The following VTA1 variants were observed in gnomAD, a reference collection of about 807,000 sequenced individuals.
VTA1 encodes vacuolar protein sorting-associated protein VTA1 homolog.
Under a neutral mutation model 36.9 loss-of-function variants are expected in VTA1, and 24 were observed. That is an observed-to-expected ratio of 0.65 (90% CI 0.47 to 0.91). VTA1 has a LOEUF of 0.91. Among genes scored for constraint, VTA1 ranks in the 40% least tolerant of loss-of-function variants. The pLI, the probability that VTA1 is intolerant of heterozygous loss-of-function variation, is 0.00. For missense variants in VTA1, 393 were observed against 377.2 expected (o/e 1.04, Z -0.35); for synonymous variants, 142 against 130.2 (o/e 1.09, Z -0.62).
At chr6:142,211,172 G>C (rs976841159) in intron 7 of VTA1, among the ~76,000 whole-genome samples, 1 of 151,154 alleles carries the variant, frequency 6.6e-6, no homozygotes, top group African/African-American at 2.4e-5. Context: ...AGGAAGGAAA[G>C]GGGGAAGGAG....
At chr6:142,163,749 A>C (rs189997198) in intron 1 of VTA1, among the ~76,000 whole-genome samples, 13 of 152,224 alleles carry the variant, frequency 8.5e-5, no homozygotes. Flanking sequence ...CATAATTGAG[A>C]GGAGTGAGGA....
At chr6:142,179,691 A>G (rs766218803) in intron 4 of VTA1, among the ~76,000 whole-genome samples, 6 of 152,198 alleles carry the variant, frequency 3.9e-5, no homozygotes, top group Non-Finnish European at 7.3e-5. Context: ...AAATAGAAGT[A>G]TGGTTTACCC....
intron 2 of VTA1, among the ~76,000 whole-genome samples, chr6:142,168,724 GTGCTC>G (rs1380125698): frequency 2.0e-5 from 3 of 147,598 alleles, no homozygotes; most frequent in Non-Finnish European, 4.5e-5. Flanking sequence ...TTCACACTAT[GTGCTC>G]TGAGAGATAT....
chr6:142,195,491 T>G (rs1775526757), intron 5 of VTA1, among the ~76,000 whole-genome samples: 1 of 151,786 alleles, frequency 6.6e-6, no homozygotes, highest in Non-Finnish European at 1.5e-5. Context: ...GACAGAGATG[T>G]TTTAATTTTT....
At chr6:142,201,635 T>C (rs1775687564) in intron 6 of VTA1, among the ~76,000 whole-genome samples, 1 of 151,992 alleles carries the variant, frequency 6.6e-6, no homozygotes, top group Non-Finnish European at 1.5e-5. Context: ...AAGCTAGCCT[T>C]TCATTGTAAA....
chr6:142,149,852 T>G (rs1435945376), intron 1 of VTA1, among the ~76,000 whole-genome samples: 1 of 152,168 alleles, frequency 6.6e-6, no homozygotes, highest in Non-Finnish European at 1.5e-5. Flanking sequence ...TCTCTACTAT[T>G]ATTTGTTCAA....
rs763570387 is a variant in VTA1 at position 142,218,695 on chromosome 6, A to G, written c.*52A>G. Reference sequence around the variant, plus strand: ...TTTTGGCATGAGGAACTAACAGTCCATTACTCTATCTTCAGCCTATCAGGA... The same window carrying G: ...TTTTGGCATGAGGAACTAACAGTCCGTTACTCTATCTTCAGCCTATCAGGA... On this transcript the variant is annotated 3_prime_UTR_variant, in exon 8 of 8. Coordinates refer to ENST00000367630, the MANE Select transcript of VTA1 (RefSeq NM_016485.5). The G allele has an allele frequency of 6.5e-7, 1 of 1,548,960 alleles. No homozygotes were observed. The highest frequency in any genetic ancestry group is 1.2e-5 in the South Asian group (1 of 80,456).
rs777658241 is a variant in VTA1 at position 142,222,287 on chromosome 6, G to T, written c.*3644G>T. The T allele has an allele frequency of 1.3e-5, 2 of 152,120 alleles. No homozygotes were observed. Among genetic ancestry groups the T allele is most frequent in the African/African-American group, 4.8e-5 (2 of 41,420 alleles). The allele number at this position is 152,120 out of a possible 1,614,324, so 9.4% of individuals were successfully genotyped here. On this transcript the variant is annotated 3_prime_UTR_variant, in exon 8 of 8. Transcript: ENST00000367630. The stretch of plus-strand genomic sequence containing the variant: ...GACCAGCCCAAGTGAAACTGATAAC[G>T]GTGTTTTGTCAATGCGGCAGAGGGA...
At chr6:142,162,003 A>G (rs1217951171) in intron 1 of VTA1, among the ~76,000 whole-genome samples, 5 of 152,228 alleles carry the variant, frequency 3.3e-5, no homozygotes, top group Admixed American at 2.6e-4. Context: ...TCAATTAAAG[A>G]TATTACCATA....
chr6:142,174,148 C>A (rs1195926410), intron 4 of VTA1, among the ~76,000 whole-genome samples: 3 of 152,108 alleles, frequency 2.0e-5, no homozygotes, highest in Non-Finnish European at 4.4e-5. Context: ...ATGGTAGAGC[C>A]ACTGGCAGCT....
chr6:142,165,662 T>C lies in VTA1; in HGVS notation c.113-566T>C, dbSNP rs1249184208. On this transcript the variant is annotated intron_variant, in intron 1 of 7. Transcript: ENST00000367630. ...AGTTACCACTAGAACTGTTCACAGT[T>C]CTTATCACTGGGAAAGCTACTGAAA... Among the ~76,000 whole-genome samples the C allele has an allele frequency of 2.0e-5, 3 of 152,190 alleles. 1 individual carries two copies. The highest frequency in any genetic ancestry group is 2.9e-5 in the Non-Finnish European group (2 of 68,018).
chr6:142,157,301 C>G (rs926925001), intron 1 of VTA1, among the ~76,000 whole-genome samples: 2 of 152,190 alleles, frequency 1.3e-5, no homozygotes, highest in Admixed American at 6.5e-5. Context: ...TTTGCTGGTT[C>G]CTGAATGATA....
At chr6:142,215,207 G>T (rs1775983683) in intron 7 of VTA1, among the ~76,000 whole-genome samples, 1 of 152,142 alleles carries the variant, frequency 6.6e-6, no homozygotes, top group Non-Finnish European at 1.5e-5. Context: ...GGGAGGCCGA[G>T]ATGGGTGGAT....
rs1367918825 is a variant in VTA1 at position 142,195,613 on chromosome 6, T to C, written c.521-2826T>C. ...TAATTTGCTTTTTTTTTTTTTTTTT[T>C]TTAGCTTCTTAGGGAGGAAATGTAG... On this transcript the variant is annotated intron_variant, in intron 5 of 7. Transcript: ENST00000367630. 2.0e-5 allele frequency among the ~76,000 whole-genome samples: 3 copies of C among 148,924 alleles called. No homozygotes were observed. The South Asian group carries it at 6.3e-4, about 31-fold the overall frequency.
chr6:142,209,516 C>G (rs559011557), intron 7 of VTA1, among the ~76,000 whole-genome samples: 5 of 150,124 alleles, frequency 3.3e-5, no homozygotes, highest in African/African-American at 1.2e-4. Flanking sequence ...TAATAACTAA[C>G]TATAATATTC....
Position 142,157,708 on chromosome 6 carries a change from G to A in VTA1, c.113-8520G>A, listed in dbSNP as rs761902624. ...TCAAAGTGGAAGCTTATATACTCTT[G>A]AACAGTCAAGGTATATATATAGTAG... is the stretch of plus-strand genomic sequence containing the variant. On this transcript the variant is annotated intron_variant, in intron 1 of 7. Transcript: ENST00000367630. 8.5e-4 allele frequency among the ~76,000 whole-genome samples: 130 copies of A among 152,098 alleles called. 3 individuals are homozygous for A. In the Middle Eastern group the frequency reaches 0.01, roughly 12 times the overall value.
At chr6:142,188,175 C>A (rs1484995262) in intron 4 of VTA1, among the ~76,000 whole-genome samples, 1 of 147,592 alleles carries the variant, frequency 6.8e-6, no homozygotes, top group African/African-American at 2.5e-5. Flanking sequence ...TCCCAAAGTG[C>A]TAGGATTACA....
intron 4 of VTA1, among the ~76,000 whole-genome samples, chr6:142,178,440 C>G (rs929662253): frequency 6.6e-6 from 1 of 151,856 alleles, no homozygotes; most frequent in Non-Finnish European, 1.5e-5. Flanking sequence ...CACTAAAGAT[C>G]CAAAGAACTA....
In VTA1 at chr6:142,181,455, T is replaced by TTATATATATA. The variant is rs10545343; in HGVS notation, c.412-7961_412-7952dup. On this transcript the variant is annotated intron_variant, in intron 4 of 7. Coordinates refer to ENST00000367630, the MANE Select transcript of VTA1 (RefSeq NM_016485.5). ...GCCTGACACACACACTTTTTATATT[T>TTATATATATA]TATATATATATATATATATGTATAT... is the stretch of plus-strand genomic sequence containing the variant. Among the ~76,000 whole-genome samples the TTATATATATA allele has an allele frequency of 7.6e-3, 1,089 of 143,624 alleles. 12 individuals carry two copies. The highest frequency in any genetic ancestry group is 0.015 in the Middle Eastern group (4 of 270). The allele number at this position is 143,624 out of a possible 152,430, so 94.2% of individuals were successfully genotyped here.
Sources: allele counts gnomAD v4.1 joint callset (sites outside exome capture counted in the v4.1 genomes callset), GRCh38; gene constraint gnomAD v4.1.1; transcripts MANE v1.5; gene names NCBI Gene and HGNC (gene_info 2026-07-23, HGNC 2026-07-21).